KPNA3: variants seen among roughly 807,000 people sequenced by gnomAD.
The protein encoded by KPNA3 is importin subunit alpha-4.
In KPNA3, 13 loss-of-function variants were observed where a neutral mutation model predicts 73.8. That is an observed-to-expected ratio of 0.18 (90% confidence interval 0.11 to 0.28). The LOEUF (loss-of-function observed/expected upper bound fraction) is 0.28, where lower values mean the gene tolerates loss of function less well. KPNA3 is among the 10% of genes least tolerant of loss of function. The pLI is 1.00. For missense variants in KPNA3, 360 were observed against 618.1 expected, an observed-to-expected ratio of 0.58 and a Z score of 4.43; for synonymous variants, 186 against 206.9, an observed-to-expected ratio of 0.90 and a Z score of 0.87.
chr13:49,782,299 T>C (rs1954947106), intron 1 of KPNA3, among the ~76,000 whole-genome samples: 2 of 152,188 alleles, frequency 1.3e-5, no homozygotes, highest in Non-Finnish European at 2.9e-5. Context: ...ACAGTCACTG[T>C]TATTCATACT....
intron 10 of KPNA3, among the ~76,000 whole-genome samples, chr13:49,711,420 C>T (rs1192078509): frequency 6.6e-6 from 1 of 152,176 alleles, no homozygotes; most frequent in African/African-American, 2.4e-5. Context: ...CAGAAGAGAA[C>T]AGAAAGGTCA....
At chr13:49,708,460 G>T (rs1413358852) in intron 12 of KPNA3, among the ~76,000 whole-genome samples, 1 of 152,154 alleles carries the variant, frequency 6.6e-6, no homozygotes, top group Non-Finnish European at 1.5e-5. Context: ...ATGGAAAACG[G>T]TTTGGTGGTT....
intron 1 of KPNA3, among the ~76,000 whole-genome samples, chr13:49,747,426 C>T (rs909741230): frequency 1.3e-5 from 2 of 152,046 alleles, no homozygotes; most frequent in African/African-American, 4.8e-5. Context: ...TGCAGTGGCT[C>T]ACACCTGTAA....
chr13:49,737,561 C>CTGTGTGTGTGTG (rs3990330), intron 2 of KPNA3, among the ~76,000 whole-genome samples: 1 of 142,958 alleles, frequency 7.0e-6, no homozygotes, highest in Non-Finnish European at 1.5e-5. Context: ...GTGTGTGTGT[C>CTGTGTGTGTGTG]TGTGTGTGTG....
In KPNA3 at chr13:49,701,542, A is replaced by T; in HGVS notation, c.*258T>A. The T allele has an allele frequency of 1.8e-6, 1 of 563,612 alleles. No homozygotes were observed. Among genetic ancestry groups the T allele is most frequent in the South Asian group, 1.5e-5 (1 of 65,744 alleles). The allele number at this position is 563,612 out of a possible 1,614,324, so 34.9% of individuals were successfully genotyped here. On this transcript the variant is annotated 3_prime_UTR_variant, in exon 17 of 17. Transcript: ENST00000261667. Reference sequence around the variant, plus strand: ...CAGTTGTCAGCCTGTGGCACCAGGGAACAGGGAAAAATAGGGTAGTTGAGA... The same window carrying T: ...CAGTTGTCAGCCTGTGGCACCAGGGTACAGGGAAAAATAGGGTAGTTGAGA...
chr13:49,727,954 G>A (rs931943743), intron 6 of KPNA3, among the ~76,000 whole-genome samples: 6 of 152,130 alleles, frequency 3.9e-5, no homozygotes, highest in African/African-American at 1.4e-4. Context: ...GGGACAAGTC[G>A]GCCGGGCATG....
chr13:49,715,459 T>C (rs778828329), intron 10 of KPNA3, among the ~76,000 whole-genome samples: 1 of 152,162 alleles, frequency 6.6e-6, no homozygotes, highest in Non-Finnish European at 1.5e-5. Context: ...TGAGATACTG[T>C]TTCTCACCTA....
At chr13:49,707,051 T>C (rs1219046724) in intron 12 of KPNA3, among the ~76,000 whole-genome samples, 1 of 152,152 alleles carries the variant, frequency 6.6e-6, no homozygotes. Context: ...GCCCAGCCAC[T>C]ATACAACTGA....
chr13:49,755,993 T>C (rs1954708109), intron 1 of KPNA3, among the ~76,000 whole-genome samples: 1 of 151,802 alleles, frequency 6.6e-6, no homozygotes, highest in East Asian at 1.9e-4. Flanking sequence ...AACAGCCGGG[T>C]GTGGTGGCTC....
At chr13:49,713,556 T>C (rs1485958536) in intron 10 of KPNA3, among the ~76,000 whole-genome samples, 1 of 150,722 alleles carries the variant, frequency 6.6e-6, no homozygotes, top group Non-Finnish European at 1.5e-5. Context: ...AAAAAACTTA[T>C]ACATTAATAA....
intron 10 of KPNA3, among the ~76,000 whole-genome samples, chr13:49,713,051 T>C (rs530327996): frequency 3.8e-4 from 56 of 148,546 alleles, no homozygotes; most frequent in African/African-American, 1.3e-3. Flanking sequence ...GAGACACACA[T>C]AAAACAAAGA....
chr13:49,767,371 G>A (rs1594457446), intron 1 of KPNA3, among the ~76,000 whole-genome samples: 1 of 148,714 alleles, frequency 6.7e-6, no homozygotes, highest in South Asian at 2.1e-4. Flanking sequence ...CCGAGATCAC[G>A]CCACTGCACT....
chr13:49,775,788 C>T (rs9535335), intron 1 of KPNA3, among the ~76,000 whole-genome samples: 64,893 of 151,910 alleles, frequency 0.43, 14,360 homozygotes, highest in South Asian at 0.59. Flanking sequence ...TTTTTATTTC[C>T]TTCTTGCTCC....
chr13:49,734,578 A>T (rs909871208), intron 2 of KPNA3, among the ~76,000 whole-genome samples: 40 of 152,326 alleles, frequency 2.6e-4, no homozygotes, highest in African/African-American at 9.6e-4. Context: ...TAAACTGTGG[A>T]CTACCTCGAG....
chr13:49,758,766 A>G (rs1402705495), intron 1 of KPNA3, among the ~76,000 whole-genome samples: 1 of 151,896 alleles, frequency 6.6e-6, no homozygotes, highest in Admixed American at 6.6e-5. Flanking sequence ...ACACACACAT[A>G]TGTTTATATA....
chr13:49,755,476 G>C (rs1189877763), intron 1 of KPNA3, among the ~76,000 whole-genome samples: 1 of 152,274 alleles, frequency 6.6e-6, no homozygotes, highest in Non-Finnish European at 1.5e-5. Flanking sequence ...AGAAAATAAA[G>C]TAAAAGGCAT....
intron 1 of KPNA3, among the ~76,000 whole-genome samples, chr13:49,768,859 C>T (rs1241772615): frequency 1.3e-5 from 2 of 152,150 alleles, no homozygotes; most frequent in Admixed American, 1.3e-4. Context: ...TTCTTTGTAG[C>T]TGCCTCTCTT....
intron 6 of KPNA3, among the ~76,000 whole-genome samples, chr13:49,725,960 A>G (rs1954405652): frequency 6.6e-6 from 1 of 152,066 alleles, no homozygotes; most frequent in Non-Finnish European, 1.5e-5. Context: ...TACTTAAAAA[A>G]TCTCTTTGGC....
At chr13:49,783,323 C>A (rs2137605853) in intron 1 of KPNA3, among the ~76,000 whole-genome samples, 2 of 152,136 alleles carry the variant, frequency 1.3e-5, no homozygotes, top group Middle Eastern at 3.4e-3. Context: ...GTTGGCTATG[C>A]TGTAAGAAAA....
Sources: gnomAD v4.1 joint callset for allele counts (sites outside exome capture counted in the v4.1 genomes callset) on GRCh38, gnomAD v4.1.1 for gene constraint, MANE v1.5 for transcripts, NCBI Gene and HGNC (gene_info 2026-07-23, HGNC 2026-07-21) for gene names.